Variants in PDE6B observed in about 807,000 individuals in gnomAD.
PDE6B encodes the protein phosphodiesterase 6B, also known as rod cGMP-specific 3',5'-cyclic phosphodiesterase subunit beta.
In PDE6B, 106 loss-of-function variants were observed where a neutral mutation model predicts 109.0. That is an observed-to-expected ratio of 0.97 (90% CI 0.83 to 1.14). The LOEUF is 1.14. Ranked by LOEUF, PDE6B falls within the 50% of genes most tolerant of loss-of-function variation. The pLI, the probability that PDE6B is intolerant of heterozygous loss-of-function variation, is 0.00. For synonymous variants in PDE6B, 490 were observed against 471.3 expected (o/e 1.04, Z -0.51); for missense variants, 1,193 against 1,155.6 (o/e 1.03, Z -0.47).
chr4:664,622 C>A (rs1737565867), intron 17 of PDE6B, among the ~76,000 whole-genome samples: 1 of 152,138 alleles, frequency 6.6e-6, no homozygotes, highest in Non-Finnish European at 1.5e-5. Flanking sequence ...TCGAGATCAG[C>A]CTGGCCAACA....
chr4:643,272 C>G (rs1560109104), intron 3 of PDE6B, among the ~76,000 whole-genome samples: 1 of 151,738 alleles, frequency 6.6e-6, no homozygotes, highest in Non-Finnish European at 1.5e-5. Context: ...CATGCCACTG[C>G]ACTCCAGCCA....
At position 653,928 on chromosome 4, in the gene PDE6B, C is replaced by T. The variant is rs755828989; in HGVS notation, c.788C>T (p.Thr263Met). 48 of 1,613,640 alleles carry T rather than the reference C, an allele frequency of 3.0e-5. No homozygotes were observed. Among genetic ancestry groups the T allele is most frequent in the East Asian group, 4.5e-5 (2 of 44,890 alleles). Reference protein sequence around the residue: ...IERQFHKAFYTVRAYLNCERY... With the variant: ...IERQFHKAFYMVRAYLNCERY... The stretch of plus-strand genomic sequence containing the variant: ...AGGCAGTTCCACAAGGCCTTCTACA[C>T]GGTGCGGGCCTACCTCAACTGCGAG... The change falls in exon 4 of 22, where the codon ACG (threonine) becomes ATG (methionine). Residue 263 changes from threonine (T) to methionine (M), a missense_variant. Physicochemically the swap from Thr to Met is moderately conservative, Grantham distance 81 (BLOSUM62 -1). Transcript: ENST00000496514.
rs1737795780 is a variant in PDE6B, at chr4:666,370, G to A, written c.2269-161G>A. On this transcript the variant is annotated intron_variant, in intron 19 of 21. Coordinates refer to ENST00000496514, the MANE Select transcript of PDE6B (RefSeq NM_000283.4). The surrounding 1 kb of genome is among the most constrained non-coding windows in gnomAD (Gnocchi z 5.6). ...CTGTGGAGCCGCTGGCCAAGGGAGA[G>A]GGTGTCAGCTTCCCCTCCCGAGAGC... Among the ~76,000 whole-genome samples the A allele has an allele frequency of 6.6e-6, 1 of 152,182 alleles. No homozygotes were observed. The highest frequency in any genetic ancestry group is 6.5e-5 in the Admixed American group (1 of 15,290).
intron 20 of PDE6B, 90 bp from the exon 21 acceptor site, chr4:667,766 C>G (rs1737961911): frequency 7.1e-7 from 1 of 1,407,050 alleles, no homozygotes; most frequent in African/African-American, 1.4e-5. Flanking sequence ...CAGTTCATCC[C>G]CTACGAGGGG....
rs1278276532 is a variant in PDE6B at position 662,447 on chromosome 4, C to T, written c.1723-62C>T. 8.3e-7 allele frequency: 1 copy of T among 1,200,248 alleles called. No individual in the cohort carries two copies. Among genetic ancestry groups the T allele is most frequent in the Non-Finnish European group, 1.2e-6 (1 of 804,540 alleles). The allele number at this position is 1,200,248 out of a possible 1,614,324, so 74.3% of individuals were successfully genotyped here. ...ACCCGACGCCTAGGTCATCCCAACC[C>T]CTCACCACTCCCCACCCTGCTGGAG... On this transcript the variant is annotated intron_variant, in intron 13 of 21. Coordinates refer to ENST00000496514, the MANE Select transcript of PDE6B (RefSeq NM_000283.4). The surrounding 1 kb of genome is among the most constrained non-coding windows in gnomAD (Gnocchi z 4.3).
rs766088717 is a variant in PDE6B, at chr4:656,005, TTG to T, written c.1059+2_1059+3del. The T allele has an allele frequency of 2.5e-6, 4 of 1,589,660 alleles. No homozygotes were observed. In the African/African-American group the frequency reaches 5.4e-5, roughly 21 times the overall value. On this transcript the variant is annotated splice_donor_variant and coding_sequence_variant, in exon 7 of 22. Transcript: ENST00000496514. LOFTEE classifies it high-confidence loss of function. ...CCAAGCTACGTGGCAGAAAGCGGCT[TTG>T]TGAGTCCCGTGCTGTCTGGAGTCCC...
At chr4:667,264 C>T (rs913637605) in intron 20 of PDE6B, among the ~76,000 whole-genome samples, 6 of 152,072 alleles carry the variant, frequency 3.9e-5, no homozygotes, top group Non-Finnish European at 7.4e-5. Context: ...ACGGGTTCCA[C>T]ATGAAGTTGT....
At chr4:650,684 G>T (rs1735461524) in intron 3 of PDE6B, among the ~76,000 whole-genome samples, 3 of 152,234 alleles carry the variant, frequency 2.0e-5, no homozygotes, top group Admixed American at 6.5e-5. Context: ...GGCAGGGAGG[G>T]CTGGCGTCTG....
At chr4:658,379 G>A (rs901267648) in intron 10 of PDE6B, among the ~76,000 whole-genome samples, 10 of 146,264 alleles carry the variant, frequency 6.8e-5, no homozygotes, top group Non-Finnish European at 1.2e-4. Context: ...ACAGGTGTGC[G>A]GGGCAGGTCG....
chr4:651,311 G>A (rs1450209820), intron 3 of PDE6B, among the ~76,000 whole-genome samples: 7 of 151,960 alleles, frequency 4.6e-5, no homozygotes. Flanking sequence ...GGGCTGACCC[G>A]TGGGGTCAGA....
At chr4:637,296 G>A (rs999708275) in intron 3 of PDE6B, among the ~76,000 whole-genome samples, 20 of 151,410 alleles carry the variant, frequency 1.3e-4, no homozygotes, top group Admixed American at 1.1e-3. Context: ...ATCTGGGCTC[G>A]CTACAACCTC....
In PDE6B at chr4:657,073, G is replaced by A. The variant is rs552237224; in HGVS notation, c.1257+50G>A. On this transcript the variant is annotated intron_variant, in intron 9 of 21. Coordinates refer to ENST00000496514, the MANE Select transcript of PDE6B (RefSeq NM_000283.4). ...CCGCCGGGGATGCCCTGCGAGGGGT[G>A]GGGCCTGTGCGGTGTGGGGGCCTCC... 7.8e-5 allele frequency: 123 copies of A among 1,586,842 alleles called. No homozygotes were observed. The East Asian group carries it at 2.6e-3, about 34-fold the overall frequency.
Position 654,846 on chromosome 4 carries a change from TC to T in PDE6B, c.951del (p.Ile317MetfsTer42). 1 of 1,574,840 alleles carries T rather than the reference TC, an allele frequency of 6.3e-7. No homozygotes were observed. The highest frequency in any genetic ancestry group is 8.7e-7 in the Non-Finnish European group (1 of 1,144,424). On this transcript the variant is annotated frameshift_variant, in exon 6 of 22. Transcript: ENST00000496514. LOFTEE classifies it high-confidence loss of function. ...DGREIVFYKV[I>X]DYVLHGKEEI... ...CAGGAAATTGTCTTCTACAAAGTGATCGACTACGTCCTCCACGGCAAGGAGG... is the reference window on the plus strand; with the variant it reads ...CAGGAAATTGTCTTCTACAAAGTGATGACTACGTCCTCCACGGCAAGGAGG...
chr4:654,669 G>A (rs1172880809), intron 5 of PDE6B, 155 bp from the exon 6 acceptor site: 14 of 753,330 alleles, frequency 1.9e-5, no homozygotes, highest in Middle Eastern at 2.9e-4. Context: ...TGCGCACGGC[G>A]GAGACATCTG....
At chr4:642,542 C>G (rs1226495560) in intron 3 of PDE6B, among the ~76,000 whole-genome samples, 2 of 151,634 alleles carry the variant, frequency 1.3e-5, no homozygotes, top group South Asian at 2.1e-4. Context: ...GCCTATAATC[C>G]CAGCACTCCG....
At position 665,009 on chromosome 4, in the gene PDE6B, G is replaced by A. The variant is rs1041506132; in HGVS notation, c.2193+65G>A. 9.7e-6 allele frequency: 13 copies of A among 1,339,372 alleles called. No homozygotes were observed. The highest frequency in any genetic ancestry group is 1.3e-5 in the Non-Finnish European group (12 of 931,222). The allele number at this position is 1,339,372 out of a possible 1,614,324, so 83.0% of individuals were successfully genotyped here. Reference sequence around the variant, plus strand: ...CTCAGCACATGGGACTGCCGGGCGGGCGGGAGCCTCGGATGGCAACGGACC... The same window carrying A: ...CTCAGCACATGGGACTGCCGGGCGGACGGGAGCCTCGGATGGCAACGGACC... On this transcript the variant is annotated intron_variant, in intron 18 of 21. Coordinates refer to ENST00000496514, the MANE Select transcript of PDE6B (RefSeq NM_000283.4). The surrounding 1 kb of genome is among the most constrained non-coding windows in gnomAD (Gnocchi z 4.0).
intron 6 of PDE6B, 171 bp from the exon 7 acceptor site, chr4:655,769 A>G: frequency 1.5e-6 from 1 of 677,614 alleles, no homozygotes; most frequent in Non-Finnish European, 2.7e-6. Flanking sequence ...GGCCCCTCTG[A>G]CCCCTGCACA....
Position 663,509 on chromosome 4 carries a change from C to T in PDE6B, c.1921-261C>T, listed in dbSNP as rs763909619. ...CCTGAGCGGCCCCCAAGGACCTGGA[C>T]ACTCAGTGGACCCCTCCCTGCGCTC... On this transcript the variant is annotated intron_variant, in intron 15 of 21. Transcript: ENST00000496514. The surrounding 1 kb of genome is among the most constrained non-coding windows in gnomAD (Gnocchi z 4.0). Among the ~76,000 whole-genome samples the T allele has an allele frequency of 1.3e-5, 2 of 152,204 alleles. No homozygotes were observed. The highest frequency in any genetic ancestry group is 2.9e-5 in the Non-Finnish European group (2 of 68,034).
Position 666,471 on chromosome 4 carries a change from C to T in PDE6B, c.2269-60C>T, listed in dbSNP as rs61149595. The T allele has an allele frequency of 1.2e-3, 1,362 of 1,176,150 alleles. 12 individuals carry two copies. In the African/African-American group the frequency reaches 0.018, roughly 16 times the overall value. 72.9% of individuals were successfully genotyped at this position (1,176,150 alleles called of 1,614,324 possible). ...TGAGTGAGGGGGTCGGGGGGCTGGG[C>T]GGGGCCCCAGGAGCTGCCTCCCTGG... On this transcript the variant is annotated intron_variant, in intron 19 of 21. Transcript: ENST00000496514. The surrounding 1 kb of genome is among the most constrained non-coding windows in gnomAD (Gnocchi z 5.6).
Sources: gnomAD v4.1 joint callset for allele counts (sites outside exome capture counted in the v4.1 genomes callset) on GRCh38, gnomAD v4.1.1 for gene constraint, Gnocchi (gnomAD v3.1) non-coding constraint, MANE v1.5 for transcripts, NCBI Gene and HGNC (gene_info 2026-07-23, HGNC 2026-07-21) for gene names.